Variants in CCDC60 observed in about 807,000 individuals in gnomAD.
The protein encoded by CCDC60 is coiled-coil domain containing 60.
Under a neutral mutation model 63.5 loss-of-function variants are expected in CCDC60, and 54 were observed. That is an observed-to-expected ratio of 0.85 (90% CI 0.68 to 1.07). The LOEUF (loss-of-function observed/expected upper bound fraction) is 1.07, where lower values mean the gene tolerates loss of function less well. Ranked by LOEUF, CCDC60 falls within the 50% of genes least tolerant of loss-of-function variation. The pLI, the probability that CCDC60 is intolerant of heterozygous loss-of-function variation, is 0.00. For missense variants in CCDC60, 651 were observed against 684.3 expected, an observed-to-expected ratio of 0.95 and a Z score of 0.54; for synonymous variants, 206 against 238.8, an observed-to-expected ratio of 0.86 and a Z score of 1.27.
In CCDC60 at chr12:119,334,970, T is replaced by C. The variant is rs1955455662; in HGVS notation, c.-207T>C. ...AGTCCAGGCTTGCCTGATTCTGCCC[T>C]ACCCGGACTTCCTTATCCCGTCTGT... On this transcript the variant is annotated 5_prime_UTR_variant, in exon 1 of 14. Coordinates refer to ENST00000327554, the MANE Select transcript of CCDC60 (RefSeq NM_178499.5). 2.4e-5 allele frequency: 11 copies of C among 458,024 alleles called. No homozygotes were observed. The South Asian group carries it at 4.9e-4, about 21-fold the overall frequency. 28.4% of individuals were successfully genotyped at this position (458,024 alleles called of 1,614,324 possible).
intron 1 of CCDC60, among the ~76,000 whole-genome samples, chr12:119,349,125 A>T (rs1955627786): frequency 6.6e-6 from 1 of 152,114 alleles, no homozygotes; most frequent in Non-Finnish European, 1.5e-5. Flanking sequence ...TTTAACCATT[A>T]TGCTGTATTT....
At chr12:119,375,173 G>C (rs1311805095) in intron 1 of CCDC60, among the ~76,000 whole-genome samples, 1 of 152,144 alleles carries the variant, frequency 6.6e-6, no homozygotes, top group African/African-American at 2.4e-5. Context: ...TGACAGTGGG[G>C]TTTAGGGACA....
chr12:119,436,091 AAAGC>A (rs1274680347), intron 2 of CCDC60, among the ~76,000 whole-genome samples: 4 of 152,346 alleles, frequency 2.6e-5, no homozygotes, highest in South Asian at 4.1e-4. Flanking sequence ...TCTTGTGGCC[AAAGC>A]AAGTCACAAA....
chr12:119,366,712 G>A (rs950289757), intron 1 of CCDC60, among the ~76,000 whole-genome samples: 1 of 152,222 alleles, frequency 6.6e-6, no homozygotes, highest in African/African-American at 2.4e-5. Flanking sequence ...CAAGGGCAGT[G>A]AGATAGTGAG....
chr12:119,352,084 G>T (rs1174653929), intron 1 of CCDC60, among the ~76,000 whole-genome samples: 2 of 152,160 alleles, frequency 1.3e-5, no homozygotes, highest in African/African-American at 4.8e-5. Context: ...ATGGCAAAAG[G>T]GCAAAGGGGA....
At chr12:119,532,370 C>T (rs1169629767) in intron 13 of CCDC60, among the ~76,000 whole-genome samples, 1 of 150,578 alleles carries the variant, frequency 6.6e-6, no homozygotes, top group African/African-American at 2.4e-5. Flanking sequence ...TTAGCAAGCT[C>T]TTTTCCTAGT....
chr12:119,401,596 G>A (rs888401266), intron 1 of CCDC60, among the ~76,000 whole-genome samples: 1 of 152,210 alleles, frequency 6.6e-6, no homozygotes, highest in Non-Finnish European at 1.5e-5. Context: ...GGTTTCTAAG[G>A]TGTTGGCAGA....
At chr12:119,437,907 C>A (rs1295956066) in intron 2 of CCDC60, among the ~76,000 whole-genome samples, 1 of 148,072 alleles carries the variant, frequency 6.8e-6, no homozygotes, top group Admixed American at 6.9e-5. Flanking sequence ...TGAGTCACAT[C>A]TTCCTCACAC....
At chr12:119,355,107 A>G (rs1356448805) in intron 1 of CCDC60, among the ~76,000 whole-genome samples, 2 of 152,176 alleles carry the variant, frequency 1.3e-5, no homozygotes, top group East Asian at 3.9e-4. Flanking sequence ...CCTTATCCAC[A>G]AAATGGAGAT....
Position 119,528,777 on chromosome 12 carries a change from C to A in CCDC60, c.1361+31C>A. The A allele has an allele frequency of 1.2e-6, 2 of 1,603,048 alleles. 1 individual carries two copies. Among genetic ancestry groups the A allele is most frequent in the South Asian group, 2.2e-5 (2 of 89,438 alleles). On this transcript the variant is annotated intron_variant, in intron 12 of 13. Coordinates refer to ENST00000327554, the MANE Select transcript of CCDC60 (RefSeq NM_178499.5). ...TATCCTAAGAACCAGATAAGATGGT[C>A]CCTGGAAGAGAACAGGGTGTTGTTA...
At chr12:119,399,278 A>T (rs1382232051) in intron 1 of CCDC60, among the ~76,000 whole-genome samples, 5 of 152,118 alleles carry the variant, frequency 3.3e-5, no homozygotes, top group Non-Finnish European at 7.4e-5. Flanking sequence ...TCAAAAGGAG[A>T]TGCACCCAGG....
rs570662661 is a variant in CCDC60, at chr12:119,382,045, C to T, written c.91-46638C>T. 8.5e-5 allele frequency among the ~76,000 whole-genome samples: 13 copies of T among 152,260 alleles called. No individual in the cohort carries two copies. In the South Asian group the frequency reaches 1.0e-3, roughly 12 times the overall value. On this transcript the variant is annotated intron_variant, in intron 1 of 13. Transcript: ENST00000327554. Reference sequence around the variant, plus strand: ...TAGTGCTTGAGAGAGAGAGATAAGGCGGGGCAGGGGCAGAGCCAGGGAGAA... The same window carrying T: ...TAGTGCTTGAGAGAGAGAGATAAGGTGGGGCAGGGGCAGAGCCAGGGAGAA...
chr12:119,507,473 TATAC>T (rs1349377435), intron 7 of CCDC60, among the ~76,000 whole-genome samples: 1 of 145,818 alleles, frequency 6.9e-6, no homozygotes, highest in African/African-American at 2.5e-5. Flanking sequence ...CATACATATA[TATAC>T]ATATATACAC....
chr12:119,377,450 A>G (rs1955965094), intron 1 of CCDC60, among the ~76,000 whole-genome samples: 1 of 152,158 alleles, frequency 6.6e-6, no homozygotes, highest in Admixed American at 6.6e-5. Flanking sequence ...TGCACAAGTA[A>G]TAACATCACT....
At chr12:119,465,452 T>C (rs1181374733) in intron 2 of CCDC60, among the ~76,000 whole-genome samples, 4 of 151,910 alleles carry the variant, frequency 2.6e-5, no homozygotes, top group Non-Finnish European at 5.9e-5. Flanking sequence ...CTGTAACTTC[T>C]ACTTCTCTAA....
At chr12:119,337,116 G>A (rs548974065) in intron 1 of CCDC60, among the ~76,000 whole-genome samples, 12 of 152,256 alleles carry the variant, frequency 7.9e-5, no homozygotes, top group African/African-American at 2.4e-4. Flanking sequence ...TCTTCTCTAA[G>A]GCTTAACCCA....
chr12:119,349,372 G>GTC (rs1244747761), intron 1 of CCDC60, among the ~76,000 whole-genome samples: 31 of 130,646 alleles, frequency 2.4e-4, no homozygotes, highest in African/African-American at 9.1e-4. Flanking sequence ...CTGAGACAGA[G>GTC]TCTCTCTCTG....
intron 1 of CCDC60, among the ~76,000 whole-genome samples, chr12:119,394,129 A>C (rs891626433): frequency 2.0e-4 from 31 of 152,154 alleles, no homozygotes; most frequent in African/African-American, 6.0e-4. Context: ...TTCTGTGTTC[A>C]CTAAGTTTAA....
chr12:119,525,777 G>A (rs538487830), intron 11 of CCDC60, among the ~76,000 whole-genome samples: 1 of 152,080 alleles, frequency 6.6e-6, no homozygotes, highest in African/African-American at 2.4e-5. Context: ...ACAAACAAAT[G>A]GAAAAACATC....
Sources: allele counts gnomAD v4.1 joint callset (sites outside exome capture counted in the v4.1 genomes callset), GRCh38; gene constraint gnomAD v4.1.1; transcripts MANE v1.5; gene names NCBI Gene and HGNC (gene_info 2026-07-23, HGNC 2026-07-21).